The following C8orf34 variants were observed in gnomAD, a reference collection of about 807,000 sequenced individuals.
C8orf34 encodes the protein uncharacterized protein C8orf34.
A neutral mutation model predicts 68.3 loss-of-function variants in C8orf34; 65 were observed. That is an observed-to-expected ratio of 0.95 (90% CI 0.78 to 1.17). The LOEUF (loss-of-function observed/expected upper bound fraction) is 1.17. Ranked by LOEUF, C8orf34 falls within the 50% of genes most tolerant of loss-of-function variation. The pLI is 0.00. For synonymous variants in C8orf34, 244 were observed against 241.2 expected (o/e 1.01, Z -0.11); for missense variants, 664 against 655.4 (o/e 1.01, Z -0.14).
intron 1 of C8orf34, among the ~76,000 whole-genome samples, chr8:68,351,361 C>G (rs538539247): frequency 6.6e-6 from 1 of 151,964 alleles, no homozygotes; most frequent in Non-Finnish European, 1.5e-5. Context: ...TGTATGTGAA[C>G]TGCCTTTTCT....
chr8:68,476,653 A>G (rs1812630749), intron 4 of C8orf34, among the ~76,000 whole-genome samples: 1 of 152,212 alleles, frequency 6.6e-6, no homozygotes, highest in Non-Finnish European at 1.5e-5. Context: ...AAGATGTCAT[A>G]CATATTCAGT....
chr8:68,771,354 A>G (rs1041039978), intron 10 of C8orf34, among the ~76,000 whole-genome samples: 2 of 152,208 alleles, frequency 1.3e-5, no homozygotes, highest in Non-Finnish European at 2.9e-5. Context: ...AAATGTGGTA[A>G]CTCTGTGTAA....
At chr8:68,561,773 GAAACCA>G (rs1816437165) in intron 7 of C8orf34, among the ~76,000 whole-genome samples, 1 of 152,008 alleles carries the variant, frequency 6.6e-6, no homozygotes, top group African/African-American at 2.4e-5. Flanking sequence ...AAAAAGAAAA[GAAACCA>G]AAACCAAAAA....
intron 8 of C8orf34, among the ~76,000 whole-genome samples, chr8:68,653,030 C>A (rs187056354): frequency 2.8e-4 from 42 of 152,168 alleles, no homozygotes; most frequent in African/African-American, 9.9e-4. Context: ...ACAGAAAATT[C>A]TTTTTCTACT....
chr8:68,379,617 C>T (rs1160366381), intron 1 of C8orf34, among the ~76,000 whole-genome samples: 1 of 152,152 alleles, frequency 6.6e-6, no homozygotes, highest in Non-Finnish European at 1.5e-5. Context: ...ATGGCTTTAA[C>T]TTTCCTTTTG....
At position 68,349,972 on chromosome 8, in the gene C8orf34, A is replaced by G. The variant is rs577926935; in HGVS notation, c.327+18633A>G. On this transcript the variant is annotated intron_variant, in intron 1 of 13. Coordinates refer to ENST00000518698, the MANE Select transcript of C8orf34 (RefSeq NM_052958.4). ...TTTCTGAGTCATTTTCCTTCAGTTC[A>G]GCTCTGAGTTTTGTTATTTCTCATC... Among the ~76,000 whole-genome samples, 3 of 151,600 alleles carry G rather than the reference A, an allele frequency of 2.0e-5. No individual in the cohort carries two copies. In the East Asian group the frequency reaches 5.8e-4, roughly 29 times the overall value.
intron 12 of C8orf34, among the ~76,000 whole-genome samples, chr8:68,799,500 T>G (rs1396337003): frequency 6.6e-6 from 1 of 152,226 alleles, no homozygotes; most frequent in African/African-American, 2.4e-5. Context: ...TTGGCTCTTT[T>G]TGAAGCATTG....
intron 7 of C8orf34, among the ~76,000 whole-genome samples, chr8:68,636,920 C>G (rs1434929): frequency 0.68 from 103,390 of 151,938 alleles, 35,551 homozygotes; most frequent in African/African-American, 0.74. Flanking sequence ...GAGCCAATGG[C>G]GTGACTGACT....
chr8:68,638,237 T>A (rs1199040716), intron 7 of C8orf34, among the ~76,000 whole-genome samples: 3 of 152,108 alleles, frequency 2.0e-5, no homozygotes, highest in Non-Finnish European at 4.4e-5. Flanking sequence ...ATGGAGGAAT[T>A]TAATTAGTAT....
intron 7 of C8orf34, among the ~76,000 whole-genome samples, chr8:68,561,625 G>A (rs1816431210): frequency 1.3e-5 from 2 of 152,050 alleles, no homozygotes. Context: ...GGACGTGGTG[G>A]CAGACACCTG....
At chr8:68,644,186 T>C (rs1237476219) in intron 8 of C8orf34, among the ~76,000 whole-genome samples, 1 of 152,114 alleles carries the variant, frequency 6.6e-6, no homozygotes, top group Non-Finnish European at 1.5e-5. Flanking sequence ...GAAAAGTAAA[T>C]ACTCAAAAAC....
At chr8:68,352,139 TG>T (rs1806538044) in intron 1 of C8orf34, among the ~76,000 whole-genome samples, 1 of 152,064 alleles carries the variant, frequency 6.6e-6, no homozygotes, top group Non-Finnish European at 1.5e-5. Context: ...TCCTACTCTG[TG>T]GCTTGGCTAT....
chr8:68,485,758 T>A (rs914026028), intron 4 of C8orf34, among the ~76,000 whole-genome samples: 2 of 148,460 alleles, frequency 1.3e-5, no homozygotes, highest in African/African-American at 5.0e-5. Context: ...TAAATAAAAA[T>A]AAATCAAGAG....
At chr8:68,786,682 A>T (rs1823855526) in intron 11 of C8orf34, among the ~76,000 whole-genome samples, 2 of 152,228 alleles carry the variant, frequency 1.3e-5, no homozygotes, top group African/African-American at 4.8e-5. Context: ...ATAGTATGAT[A>T]GAACATGTTA....
intron 7 of C8orf34, among the ~76,000 whole-genome samples, chr8:68,577,624 G>A (rs1040856103): frequency 4.6e-5 from 7 of 151,640 alleles, no homozygotes; most frequent in African/African-American, 7.3e-5. Context: ...ACCACTAGGG[G>A]GTGCTAATGC....
intron 1 of C8orf34, among the ~76,000 whole-genome samples, chr8:68,356,765 G>A (rs1462031447): frequency 6.6e-6 from 1 of 151,998 alleles, no homozygotes; most frequent in Admixed American, 6.6e-5. Context: ...GATCTCATTG[G>A]TATATGTAGT....
At chr8:68,661,257 T>C (rs1481447753) in intron 8 of C8orf34, among the ~76,000 whole-genome samples, 4 of 152,202 alleles carry the variant, frequency 2.6e-5, no homozygotes, top group Non-Finnish European at 5.9e-5. Context: ...CTTAATTGGC[T>C]AACAGAGACC....
At chr8:68,707,119 A>G (rs1411853954) in intron 8 of C8orf34, among the ~76,000 whole-genome samples, 3 of 152,222 alleles carry the variant, frequency 2.0e-5, no homozygotes, top group Admixed American at 6.5e-5. Flanking sequence ...GGACTTGCCC[A>G]TACACCCCTT....
intron 11 of C8orf34, among the ~76,000 whole-genome samples, chr8:68,779,694 A>G (rs926256699): frequency 8.5e-5 from 13 of 152,170 alleles, no homozygotes; most frequent in Non-Finnish European, 1.3e-4. Context: ...AGAAGTTTCA[A>G]TTCTACTTCT....
Sources: allele counts gnomAD v4.1 joint callset (sites outside exome capture counted in the v4.1 genomes callset), GRCh38; gene constraint gnomAD v4.1.1; transcripts MANE v1.5; gene names NCBI Gene and HGNC (gene_info 2026-07-23, HGNC 2026-07-21).